The following DNAH17 variants were observed in gnomAD, a reference collection of about 807,000 sequenced individuals.
DNAH17 encodes the protein dynein axonemal heavy chain 17, also known as axonemal beta dynein heavy chain 17.
Under a neutral mutation model 485.6 loss-of-function variants are expected in DNAH17, and 376 were observed. The observed-to-expected ratio is 0.77, with a 90% CI of 0.71 to 0.84. DNAH17 has a LOEUF of 0.84. Among genes scored for constraint, DNAH17 ranks in the 40% least tolerant of loss-of-function variants. DNAH17 has a pLI of 0.00. For missense variants in DNAH17, 6,370 were observed against 5,839.3 expected, an observed-to-expected ratio of 1.09 and a Z score of -2.96; for synonymous variants, 3,031 against 2,405.9, an observed-to-expected ratio of 1.26 and a Z score of -7.60.
In DNAH17 at chr17:78,454,589, G is replaced by A. The variant is rs1336553188; in HGVS notation, c.10287C>T (p.Ala3429=). ...ACCGCTCGGTGTTGCCCAGGATGGT[G>A]GCATTCTCGGTGGACATGCGGTCGC... ...LPSDRMSTEN[A]TILGNTERWP... Residue 3429 remains alanine (A), a synonymous_variant, in exon 64 of 81, where the codon GCC becomes GCT. Transcript: ENST00000389840. 9.9e-6 allele frequency: 16 copies of A among 1,613,022 alleles called. No homozygotes were observed. The highest frequency in any genetic ancestry group is 1.4e-5 in the Non-Finnish European group (16 of 1,179,874).
intron 75 of DNAH17, among the ~76,000 whole-genome samples, chr17:78,433,011 G>C (rs1052447519): frequency 4.0e-5 from 6 of 149,578 alleles, no homozygotes; most frequent in African/African-American, 1.2e-4. Flanking sequence ...CTCCTGGGCA[G>C]CTGAGTGCAG....
Position 78,486,240 on chromosome 17 carries a change from G to T in DNAH17, c.7085C>A (p.Ala2362Asp). 6.3e-7 allele frequency: 1 copy of T among 1,589,610 alleles called. No individual in the cohort carries two copies. ...GTGCATCACCTGGTCCTGGAACATG[G>T]CGCCACCGAAGGCCCAGAAGCAGGT... Reference protein sequence around the residue: ...VFTCFWAFGGAMFQDQLVDYR... With the variant: ...VFTCFWAFGGDMFQDQLVDYR... The change falls in exon 45 of 81, where the codon GCC becomes GAC. Residue 2362 changes from alanine to aspartate, a missense_variant. Coordinates refer to ENST00000389840, the MANE Select transcript of DNAH17 (RefSeq NM_173628.4).
intron 25 of DNAH17, chr17:78,522,650 C>A: frequency 4.7e-6 from 1 of 211,938 alleles, no homozygotes; most frequent in Non-Finnish European, 9.8e-6. Flanking sequence ...AGCTGCTGGC[C>A]GGCTGCTTCC....
At chr17:78,451,103 C>T (rs1375979598) in intron 66 of DNAH17, among the ~76,000 whole-genome samples, 4 of 152,250 alleles carry the variant, frequency 2.6e-5, no homozygotes, top group Admixed American at 2.6e-4. Flanking sequence ...GCCTCCTGAG[C>T]CCATGCAAGT....
At chr17:78,496,133 G>T in intron 37 of DNAH17, 101 bp from the exon 38 acceptor site, 5 of 1,317,386 alleles carry the variant, frequency 3.8e-6, no homozygotes, top group African/African-American at 1.5e-5. Context: ...GCGAATTTGC[G>T]CCTGCAAATT....
chr17:78,571,784 T>C lies in DNAH17; in HGVS notation c.540-2A>G. On this transcript the variant is annotated splice_acceptor_variant, in intron 3 of 80. Transcript: ENST00000389840. LOFTEE classifies it high-confidence loss of function. ...AAGTTGTCCAGTGAAGAGGGGATCC[T>C]GCCCAGTGGAAGGTTGGGGCATTGC... 1 of 1,574,454 alleles carries C rather than the reference T, an allele frequency of 6.4e-7. No homozygotes were observed.
At chr17:78,507,900 G>T in intron 27 of DNAH17, 95 bp from the exon 28 acceptor site, 1 of 1,223,312 alleles carries the variant, frequency 8.2e-7, no homozygotes. Context: ...GAAGCTCCAT[G>T]ATCAGAAAGC....
At chr17:78,479,658 A>T (rs984212986) in intron 49 of DNAH17, 26 bp from the exon 50 acceptor site, 1 of 1,610,572 alleles carries the variant, frequency 6.2e-7, no homozygotes, top group South Asian at 1.1e-5. Context: ...CAAACACTCC[A>T]GTCAGCCAGC....
chr17:78,524,734 G>A (rs926649768), intron 25 of DNAH17, among the ~76,000 whole-genome samples: 1 of 152,098 alleles, frequency 6.6e-6, no homozygotes, highest in Non-Finnish European at 1.5e-5. Context: ...GAGAGAATGA[G>A]AGGAGGAGGA....
At chr17:78,452,963 G>A (rs954419803) in intron 65 of DNAH17, among the ~76,000 whole-genome samples, 7 of 91,956 alleles carry the variant, frequency 7.6e-5, no homozygotes, top group South Asian at 4.2e-4. Flanking sequence ...GTACAACATC[G>A]TGAGTGTACC....
intron 56 of DNAH17, among the ~76,000 whole-genome samples, chr17:78,464,603 C>T (rs542261427): frequency 9.8e-5 from 15 of 152,338 alleles, no homozygotes; most frequent in Admixed American, 3.9e-4. Flanking sequence ...AAGAGAATGT[C>T]GGACCCGTCT....
intron 63 of DNAH17, 126 bp downstream of exon 63, chr17:78,455,518 G>T: frequency 1.5e-6 from 1 of 671,564 alleles, no homozygotes; most frequent in South Asian, 2.5e-5. Flanking sequence ...ATAGAGATGG[G>T]GTTTCACCAT....
intron 14 of DNAH17, among the ~76,000 whole-genome samples, chr17:78,556,119 G>T (rs770316115): frequency 4.6e-5 from 7 of 152,048 alleles, no homozygotes; most frequent in Admixed American, 4.6e-4. Context: ...CCATCCATCT[G>T]TATCTATCCC....
At chr17:78,506,903 G>A in intron 29 of DNAH17, 57 bp from the exon 30 acceptor site, 1 of 1,604,238 alleles carries the variant, frequency 6.2e-7, no homozygotes. Flanking sequence ...AGGGATGTCT[G>A]CCACCCACCC....
Position 78,424,161 on chromosome 17 carries a change from G to T in DNAH17, c.13142-8C>A. 6.2e-7 allele frequency: 1 copy of T among 1,606,144 alleles called. No individual in the cohort carries two copies. The highest frequency in any genetic ancestry group is 1.3e-5 in the African/African-American group (1 of 74,984). On this transcript the variant is annotated splice_region_variant and splice_polypyrimidine_tract_variant and intron_variant, in intron 80 of 80. Coordinates refer to ENST00000389840, the MANE Select transcript of DNAH17 (RefSeq NM_173628.4). ...GGGTGTCCCAGCGAGCCCCTGCAGGGACAGTATGGCTGAGGGTCAGGTGTG... is the reference window on the plus strand; with the variant it reads ...GGGTGTCCCAGCGAGCCCCTGCAGGTACAGTATGGCTGAGGGTCAGGTGTG...
At chr17:78,576,520 G>A (rs891404350) in intron 1 of DNAH17, among the ~76,000 whole-genome samples, 5 of 152,130 alleles carry the variant, frequency 3.3e-5, no homozygotes, top group Admixed American at 6.5e-5. Flanking sequence ...GAGATGACTC[G>A]TTCACCAGGT....
chr17:78,569,083 G>A, intron 9 of DNAH17, 83 bp downstream of exon 9: 1 of 1,077,060 alleles, frequency 9.3e-7, no homozygotes, highest in Non-Finnish European at 1.4e-6. Context: ...TTGGCAAGGG[G>A]GGTAGGGATG....
At chr17:78,495,777 G>A in intron 38 of DNAH17, 98 bp downstream of exon 38, 2 of 1,408,652 alleles carry the variant, frequency 1.4e-6, no homozygotes, top group Non-Finnish European at 1.9e-6. Context: ...TCCCCAGCTT[G>A]CCCTCTGCCC....
intron 72 of DNAH17, among the ~76,000 whole-genome samples, chr17:78,440,641 G>C (rs934798340): frequency 3.3e-5 from 5 of 152,176 alleles, no homozygotes; most frequent in African/African-American, 1.2e-4. Flanking sequence ...CCATTTGTCA[G>C]TTAATGGACA....
Sources: allele counts gnomAD v4.1 joint callset (sites outside exome capture counted in the v4.1 genomes callset), GRCh38; gene constraint gnomAD v4.1.1; transcripts MANE v1.5; gene names NCBI Gene and HGNC (gene_info 2026-07-23, HGNC 2026-07-21).